Variants in ADCY8 observed in about 807,000 individuals in gnomAD.
ADCY8 encodes adenylate cyclase 8, also known as adenylate cyclase type 8.
In ADCY8, 51 loss-of-function variants were observed where a neutral mutation model predicts 119.7. The observed-to-expected ratio is 0.43, with a 90% CI of 0.34 to 0.54. The LOEUF is 0.54. Ranked by LOEUF, ADCY8 falls within the 20% of genes least tolerant of loss-of-function variation. The probability of loss-of-function intolerance (pLI) is 0.03; values close to 1 mark genes in which losing one functional copy is unlikely to be tolerated. For synonymous variants in ADCY8, 665 were observed against 651.0 expected, an observed-to-expected ratio of 1.02 and a Z score of -0.33; for missense variants, 1,383 against 1,598.8, an observed-to-expected ratio of 0.87 and a Z score of 2.30.
At chr8:130,921,116 T>C (rs1820288313) in intron 5 of ADCY8, among the ~76,000 whole-genome samples, 1 of 152,212 alleles carries the variant, frequency 6.6e-6, no homozygotes, top group Non-Finnish European at 1.5e-5. Flanking sequence ...CATTTTCTTT[T>C]CTAGTTCTAT....
rs1350594899 is a variant in ADCY8, at chr8:131,018,669, G to A, written c.960+20705C>T. The stretch of plus-strand genomic sequence containing the variant: ...ATGCTCACTCCTATATAAGACACAT[G>A]CTGTAATTATCCCATTTTATAGATG... On this transcript the variant is annotated intron_variant, in intron 1 of 17. Coordinates refer to ENST00000286355, the MANE Select transcript of ADCY8 (RefSeq NM_001115.3). Among the ~76,000 whole-genome samples the A allele has an allele frequency of 2.6e-5, 4 of 152,178 alleles. No individual in the cohort carries two copies. The East Asian group carries it at 7.7e-4, about 29-fold the overall frequency.
At chr8:130,954,696 A>G (rs1821373503) in intron 2 of ADCY8, among the ~76,000 whole-genome samples, 1 of 152,260 alleles carries the variant, frequency 6.6e-6, no homozygotes, top group African/African-American at 2.4e-5. Flanking sequence ...TGGTTATAGT[A>G]AACTGATTAC....
intron 2 of ADCY8, among the ~76,000 whole-genome samples, chr8:130,986,454 T>A (rs889794219): frequency 6.6e-6 from 1 of 152,190 alleles, no homozygotes; most frequent in African/African-American, 2.4e-5. Context: ...CTTTAACTAG[T>A]CTTTAGAGAT....
At chr8:130,936,651 C>T (rs898683602) in intron 5 of ADCY8, among the ~76,000 whole-genome samples, 4 of 152,206 alleles carry the variant, frequency 2.6e-5, no homozygotes, top group East Asian at 1.9e-4. Flanking sequence ...CAACATCCTA[C>T]GTTGAATTAA....
At chr8:131,026,904 C>A (rs186495379) in intron 1 of ADCY8, among the ~76,000 whole-genome samples, 19 of 152,258 alleles carry the variant, frequency 1.2e-4, no homozygotes, top group Non-Finnish European at 2.2e-4. Flanking sequence ...TATTATTATT[C>A]CCATTTTACA....
chr8:131,022,382 C>T (rs1361147044), intron 1 of ADCY8, among the ~76,000 whole-genome samples: 1 of 152,098 alleles, frequency 6.6e-6, no homozygotes, highest in Non-Finnish European at 1.5e-5. Flanking sequence ...GTTTGGTTTT[C>T]TGTTCTTGTG....
chr8:130,898,961 T>A (rs1016390742), intron 7 of ADCY8, among the ~76,000 whole-genome samples: 2 of 152,194 alleles, frequency 1.3e-5, no homozygotes, highest in Non-Finnish European at 2.9e-5. Flanking sequence ...CTATCACTTC[T>A]GGAATAAAAT....
intron 1 of ADCY8, among the ~76,000 whole-genome samples, chr8:131,021,944 G>A (rs1823682825): frequency 6.6e-6 from 1 of 152,106 alleles, no homozygotes. Flanking sequence ...AAACAATTTA[G>A]GGTAATTCAG....
chr8:130,996,712 T>C (rs1304398068), intron 1 of ADCY8, among the ~76,000 whole-genome samples: 2 of 151,804 alleles, frequency 1.3e-5, no homozygotes. Flanking sequence ...ATGTGGAAAA[T>C]GAAACTATAA....
At chr8:130,901,108 G>C (rs888270643) in intron 7 of ADCY8, among the ~76,000 whole-genome samples, 1 of 152,086 alleles carries the variant, frequency 6.6e-6, no homozygotes, top group African/African-American at 2.4e-5. Flanking sequence ...ATCAAGCCCT[G>C]TGATTTGCCA....
intron 3 of ADCY8, 149 bp from the exon 4 acceptor site, chr8:130,943,611 T>G: frequency 1.6e-6 from 1 of 606,640 alleles, no homozygotes; most frequent in Non-Finnish European, 3.0e-6. Flanking sequence ...TCAGGAGGAA[T>G]GTCTCAGTAT....
At chr8:130,934,481 C>T (rs1488821693) in intron 5 of ADCY8, among the ~76,000 whole-genome samples, 2 of 152,156 alleles carry the variant, frequency 1.3e-5, no homozygotes, top group Non-Finnish European at 2.9e-5. Context: ...ATCCAATTAC[C>T]TCCCATTAGG....
At chr8:130,946,763 A>G (rs1821117012) in intron 3 of ADCY8, among the ~76,000 whole-genome samples, 1 of 152,182 alleles carries the variant, frequency 6.6e-6, no homozygotes, top group South Asian at 2.1e-4. Flanking sequence ...CTCCTTCCTC[A>G]GAGCATGGTC....
intron 8 of ADCY8, among the ~76,000 whole-genome samples, chr8:130,870,427 GA>G (rs1418554094): frequency 6.6e-6 from 1 of 152,100 alleles, no homozygotes; most frequent in Non-Finnish European, 1.5e-5. Flanking sequence ...TCCCAATTCA[GA>G]AATCCTTTTC....
intron 11 of ADCY8, among the ~76,000 whole-genome samples, chr8:130,842,449 G>A (rs888165047): frequency 4.6e-5 from 7 of 152,028 alleles, no homozygotes; most frequent in African/African-American, 1.7e-4. Flanking sequence ...GTTGTCCCCA[G>A]TACTGCTTTT....
intron 1 of ADCY8, 65 bp from the exon 2 acceptor site, chr8:130,990,607 C>T (rs1005479684): frequency 1.7e-5 from 26 of 1,564,688 alleles, no homozygotes; most frequent in Admixed American, 1.4e-4. Context: ...CAATAAAATA[C>T]ACAAATAAAT....
intron 5 of ADCY8, among the ~76,000 whole-genome samples, chr8:130,918,943 C>T (rs1350551682): frequency 6.6e-6 from 1 of 152,210 alleles, no homozygotes; most frequent in Non-Finnish European, 1.5e-5. Context: ...CGCCTGTAGT[C>T]CCAGCTTCTC....
intron 7 of ADCY8, among the ~76,000 whole-genome samples, chr8:130,893,822 G>C (rs1819287563): frequency 1.3e-5 from 2 of 151,248 alleles, no homozygotes; most frequent in Admixed American, 1.3e-4. Context: ...ATGCGTGTGT[G>C]TGTTTGTGGG....
In ADCY8 at chr8:130,969,252, C is replaced by A. The variant is rs78835487; in HGVS notation, c.1111-17254G>T. On this transcript the variant is annotated intron_variant, in intron 2 of 17. Transcript: ENST00000286355. ...GAAAAAAAAGCTGACCTCTCCCAAG[C>A]AGAAAGGAATTCTGCAGCAGATGGC... Among the ~76,000 whole-genome samples, 258 of 152,246 alleles carry A rather than the reference C, an allele frequency of 1.7e-3. 1 individual carries two copies. Among genetic ancestry groups the A allele is most frequent in the Non-Finnish European group, 3.2e-3 (215 of 68,032 alleles).
Sources: allele counts gnomAD v4.1 joint callset (sites outside exome capture counted in the v4.1 genomes callset), GRCh38; gene constraint gnomAD v4.1.1; transcripts MANE v1.5; gene names NCBI Gene and HGNC (gene_info 2026-07-23, HGNC 2026-07-21).